ENPP3: variants seen among roughly 807,000 people sequenced by gnomAD.
ENPP3 encodes the protein ectonucleotide pyrophosphatase/phosphodiesterase family member 3.
A neutral mutation model predicts 117.8 loss-of-function variants in ENPP3; 104 were observed. The observed-to-expected ratio is 0.88, with a 90% CI of 0.75 to 1.04. The LOEUF is 1.04. ENPP3 is among the 50% of genes least tolerant of loss of function. ENPP3 has a pLI of 0.00. For synonymous variants in ENPP3, 380 were observed against 349.9 expected (o/e 1.09, Z -0.96); for missense variants, 1,026 against 1,051.9 (o/e 0.98, Z 0.34).
At chr6:131,646,053 G>C (rs1778146463) in intron 2 of ENPP3, among the ~76,000 whole-genome samples, 1 of 152,026 alleles carries the variant, frequency 6.6e-6, no homozygotes, top group East Asian at 1.9e-4. Context: ...ACAGTTCCTT[G>C]GTCATGTAAG....
At chr6:131,687,915 CAG>C (rs1327554600) in intron 14 of ENPP3, among the ~76,000 whole-genome samples, 2 of 152,150 alleles carry the variant, frequency 1.3e-5, no homozygotes, top group Admixed American at 1.3e-4. Context: ...TGGGGGTATA[CAG>C]TTACAGGCTT....
chr6:131,677,771 C>T, intron 10 of ENPP3, 97 bp from the exon 11 acceptor site: 1 of 750,090 alleles, frequency 1.3e-6, no homozygotes, highest in Non-Finnish European at 2.3e-6. Flanking sequence ...AAAGAAAAGG[C>T]AATGGCTAGC....
At chr6:131,745,572 T>C (rs890249669) in intron 24 of ENPP3, among the ~76,000 whole-genome samples, 5 of 152,108 alleles carry the variant, frequency 3.3e-5, no homozygotes, top group Admixed American at 3.3e-4. Flanking sequence ...TAGAAACCCA[T>C]GTTTCTAAAT....
At chr6:131,663,693 CAAAA>C (rs111357396) in intron 6 of ENPP3, among the ~76,000 whole-genome samples, 1 of 125,342 alleles carries the variant, frequency 8.0e-6, no homozygotes, top group Admixed American at 8.2e-5. Context: ...GTTCTTGTCT[CAAAA>C]AAAAAAAAAA....
intron 9 of ENPP3, 59 bp from the exon 10 acceptor site, chr6:131,676,677 A>C: frequency 8.9e-7 from 1 of 1,120,614 alleles, no homozygotes. Flanking sequence ...ATAGGAATGT[A>C]ATGGAGTTAT....
At chr6:131,646,491 A>G (rs1778155759) in intron 2 of ENPP3, among the ~76,000 whole-genome samples, 1 of 151,862 alleles carries the variant, frequency 6.6e-6, no homozygotes, top group African/African-American at 2.4e-5. Context: ...ACCCTCCTGT[A>G]TGTCTGTTGT....
intron 6 of ENPP3, among the ~76,000 whole-genome samples, chr6:131,659,380 C>T (rs1023802241): frequency 9.2e-5 from 14 of 152,134 alleles, no homozygotes; most frequent in African/African-American, 3.4e-4. Context: ...AACTCCAAGG[C>T]GCACACTCTT....
intron 19 of ENPP3, 135 bp downstream of exon 19, chr6:131,724,226 T>TAAAAAAAAAAAC (rs1780099558): frequency 5.8e-6 from 2 of 343,558 alleles, no homozygotes; most frequent in African/African-American, 3.6e-5. Flanking sequence ...ATACAAAAGG[T>TAAAAAAAAAAAC]AAAAAAAAAA....
chr6:131,655,950 G>C (rs541329518), intron 5 of ENPP3, among the ~76,000 whole-genome samples: 55 of 152,272 alleles, frequency 3.6e-4, no homozygotes, highest in African/African-American at 1.2e-3. Context: ...CATGGAAAAT[G>C]GACAATGATG....
Position 131,724,099 on chromosome 6 carries a change from A to C in ENPP3, c.1798+8A>C. On this transcript the variant is annotated splice_region_variant and intron_variant, in intron 19 of 24. Coordinates refer to ENST00000357639, the MANE Select transcript of ENPP3 (RefSeq NM_005021.5). ...ATCTCACCCAAGAAGAAAGTAAGTC[A>C]ATAGAAAACATGTTAAGTCTTTGAT... 6.3e-7 allele frequency: 1 copy of C among 1,595,358 alleles called. No homozygotes were observed. The highest frequency in any genetic ancestry group is 8.6e-7 in the Non-Finnish European group (1 of 1,163,416).
At chr6:131,687,031 C>T (rs6935272) in intron 14 of ENPP3, among the ~76,000 whole-genome samples, 11,379 of 152,168 alleles carry the variant, frequency 0.075, 831 homozygotes, top group East Asian at 0.33. Context: ...GGTATATCCC[C>T]AGTAATGGGA....
Position 131,747,017 on chromosome 6 carries a change from T to C in ENPP3, c.*61T>C, listed in dbSNP as rs1034228468. On this transcript the variant is annotated 3_prime_UTR_variant, in exon 25 of 25. Coordinates refer to ENST00000357639, the MANE Select transcript of ENPP3 (RefSeq NM_005021.5). Reference sequence around the variant, plus strand: ...TAAAGTAATTTTGGCAAAATATAAGTGATTTTTTTCTGGAGAATTGTAAAA... The same window carrying C: ...TAAAGTAATTTTGGCAAAATATAAGCGATTTTTTTCTGGAGAATTGTAAAA... 3.8e-4 allele frequency: 338 copies of C among 897,460 alleles called. No individual in the cohort carries two copies. Among genetic ancestry groups the C allele is most frequent in the Non-Finnish European group, 5.0e-4 (316 of 635,936 alleles). The allele number at this position is 897,460 out of a possible 1,614,324, so 55.6% of individuals were successfully genotyped here. A position where few individuals can be genotyped will look rare whatever the true frequency, so the allele number is the denominator to read the frequency against.
intron 5 of ENPP3, among the ~76,000 whole-genome samples, chr6:131,655,975 G>C (rs1447258698): frequency 6.6e-6 from 1 of 152,176 alleles, no homozygotes; most frequent in African/African-American, 2.4e-5. Context: ...TGCTCACTAT[G>C]AATAATAAGT....
At chr6:131,744,464 A>G (rs1780591258) in intron 24 of ENPP3, among the ~76,000 whole-genome samples, 3 of 152,212 alleles carry the variant, frequency 2.0e-5, no homozygotes. Context: ...ATCCCAAATC[A>G]AATTGAGGAA....
chr6:131,745,435 T>C (rs1780616578), intron 24 of ENPP3, among the ~76,000 whole-genome samples: 1 of 152,160 alleles, frequency 6.6e-6, no homozygotes. Flanking sequence ...ATGAGAATCA[T>C]GAAAACACAG....
intron 1 of ENPP3, 134 bp from the exon 2 acceptor site, chr6:131,641,321 T>A: frequency 2.0e-6 from 1 of 502,876 alleles, no homozygotes; most frequent in African/African-American, 1.9e-5. Context: ...AGATACTAGA[T>A]CATTGTTGGA....
intron 11 of ENPP3, among the ~76,000 whole-genome samples, chr6:131,682,127 C>T (rs1779035151): frequency 6.6e-6 from 1 of 152,116 alleles, no homozygotes; most frequent in South Asian, 2.1e-4. Context: ...GCCACCACAC[C>T]CTGCCCCACT....
intron 15 of ENPP3, among the ~76,000 whole-genome samples, 189 bp downstream of exon 15, chr6:131,693,813 T>A (rs1779344060): frequency 6.6e-6 from 1 of 152,184 alleles, no homozygotes; most frequent in South Asian, 2.1e-4. Context: ...GATTTTAGCA[T>A]CCTTATCTTA....
At chr6:131,651,868 G>C (rs1336069662) in intron 3 of ENPP3, among the ~76,000 whole-genome samples, 1 of 152,166 alleles carries the variant, frequency 6.6e-6, no homozygotes, top group African/African-American at 2.4e-5. Flanking sequence ...TAACTGAAGT[G>C]GACAAAAGTT....
Sources: allele counts gnomAD v4.1 joint callset (sites outside exome capture counted in the v4.1 genomes callset), GRCh38; gene constraint gnomAD v4.1.1; transcripts MANE v1.5; gene names NCBI Gene and HGNC (gene_info 2026-07-23, HGNC 2026-07-21).